Variants in TANGO6 observed in about 807,000 individuals in gnomAD.
TANGO6 encodes the protein transport and Golgi organization protein 6 homolog.
Under a neutral mutation model 114.2 loss-of-function variants are expected in TANGO6, and 90 were observed. The ratio of observed to expected loss-of-function variants is 0.79; its 90% confidence interval spans 0.66 to 0.94. The LOEUF is 0.94. Among genes scored for constraint, TANGO6 ranks in the 40% least tolerant of loss-of-function variants. The pLI is 0.00. For synonymous variants in TANGO6, 477 were observed against 509.8 expected, an observed-to-expected ratio of 0.94 and a Z score of 0.87; for missense variants, 1,274 against 1,315.3, an observed-to-expected ratio of 0.97 and a Z score of 0.49.
At chr16:68,890,142 G>A (rs1962590572) in intron 7 of TANGO6, among the ~76,000 whole-genome samples, 1 of 152,152 alleles carries the variant, frequency 6.6e-6, no homozygotes, top group African/African-American at 2.4e-5. Context: ...CTGAATTTCA[G>A]TGTTAGGATT....
rs1012505678 is a variant in TANGO6, at chr16:68,993,676, A to C, written c.2842+19508A>C. ...TTTGTCAATATTACGAGGCTAACCA[A>C]CTCTTGGTCATGCTTTAATGAGTTT... On this transcript the variant is annotated intron_variant, in intron 15 of 17. Transcript: ENST00000261778. Among the ~76,000 whole-genome samples the C allele has an allele frequency of 3.9e-5, 6 of 152,162 alleles. No individual in the cohort carries two copies. The East Asian group carries it at 1.2e-3, about 29-fold the overall frequency.
intron 8 of TANGO6, among the ~76,000 whole-genome samples, chr16:68,902,019 A>G (rs1445850314): frequency 6.7e-6 from 1 of 150,374 alleles, no homozygotes; most frequent in Non-Finnish European, 1.5e-5. Flanking sequence ...ACAGTGCCTG[A>G]TGCAAAGGCA....
intron 14 of TANGO6, among the ~76,000 whole-genome samples, chr16:68,943,099 C>T (rs1963371717): frequency 6.6e-6 from 1 of 151,210 alleles, no homozygotes; most frequent in Non-Finnish European, 1.5e-5. Flanking sequence ...CAGGATTGTG[C>T]CATGTTGCCC....
rs1424861016 is a variant in TANGO6, at chr16:69,028,870, A to AG, written c.2994+5891_2994+5892insG. On this transcript the variant is annotated intron_variant, in intron 16 of 17. Transcript: ENST00000261778. ...GCCCAGTTTAACAAAAAAAAAAAAA[A>AG]AAAAGAAAAAGAAAAACTACATAGC... 5.3e-3 allele frequency among the ~76,000 whole-genome samples: 805 copies of AG among 151,158 alleles called. 3 individuals carry two copies. The highest frequency in any genetic ancestry group is 7.2e-3 in the Non-Finnish European group (487 of 67,792).
At chr16:69,003,010 C>T (rs1964057699) in intron 15 of TANGO6, among the ~76,000 whole-genome samples, 1 of 151,914 alleles carries the variant, frequency 6.6e-6, no homozygotes, top group South Asian at 2.1e-4. Flanking sequence ...CCACTACACT[C>T]CAGCCTGGGT....
At chr16:68,951,361 A>G (rs1043224362) in intron 14 of TANGO6, among the ~76,000 whole-genome samples, 3 of 151,856 alleles carry the variant, frequency 2.0e-5, no homozygotes. Flanking sequence ...AATATAAAGT[A>G]TAACAGAAGG....
intron 17 of TANGO6, among the ~76,000 whole-genome samples, chr16:69,053,990 C>T (rs983272702): frequency 2.0e-5 from 3 of 152,000 alleles, no homozygotes; most frequent in African/African-American, 4.8e-5. Context: ...GCTAGAACCC[C>T]GGGGATGGAG....
At chr16:69,033,147 C>T (rs1322956800) in intron 16 of TANGO6, among the ~76,000 whole-genome samples, 1 of 152,160 alleles carries the variant, frequency 6.6e-6, no homozygotes, top group East Asian at 1.9e-4. Flanking sequence ...GATCACACCA[C>T]TGTACTCCAG....
At chr16:68,920,793 C>T (rs1427288148) in intron 12 of TANGO6, among the ~76,000 whole-genome samples, 1 of 151,896 alleles carries the variant, frequency 6.6e-6, no homozygotes, top group Non-Finnish European at 1.5e-5. Context: ...ATATATTTTC[C>T]ATATTGTTTT....
chr16:68,931,442 C>G (rs1249630546), intron 14 of TANGO6, among the ~76,000 whole-genome samples: 4 of 152,186 alleles, frequency 2.6e-5, no homozygotes, highest in African/African-American at 9.7e-5. Context: ...TGCACAAAAC[C>G]TTGTGTGTGA....
At chr16:69,006,173 G>A (rs902335534) in intron 15 of TANGO6, among the ~76,000 whole-genome samples, 3 of 152,100 alleles carry the variant, frequency 2.0e-5, no homozygotes, top group African/African-American at 7.2e-5. Flanking sequence ...AGTTCCTGTA[G>A]TGGGCAGATC....
chr16:69,006,811 A>G (rs1964095697), intron 15 of TANGO6, among the ~76,000 whole-genome samples: 1 of 152,222 alleles, frequency 6.6e-6, no homozygotes, highest in Non-Finnish European at 1.5e-5. Flanking sequence ...CATATAATTC[A>G]ACCATTTACA....
intron 16 of TANGO6, among the ~76,000 whole-genome samples, chr16:69,039,265 T>C (rs1188294349): frequency 4.0e-5 from 6 of 150,646 alleles, no homozygotes; most frequent in Non-Finnish European, 8.9e-5. Flanking sequence ...GAGGCAGAGG[T>C]TGCAGTGAGC....
At chr16:68,846,584 C>G (rs1287387729) in intron 1 of TANGO6, 1 of 234,566 alleles carries the variant, frequency 4.3e-6, no homozygotes, top group African/African-American at 2.4e-5. Context: ...CAACCTCCGC[C>G]TCCCAGGTTC....
At chr16:68,899,319 G>A (rs779975315) in intron 7 of TANGO6, among the ~76,000 whole-genome samples, 35 of 151,996 alleles carry the variant, frequency 2.3e-4, no homozygotes, top group Non-Finnish European at 4.7e-4. Context: ...TATATCACAA[G>A]CAATATGAAG....
intron 15 of TANGO6, among the ~76,000 whole-genome samples, chr16:69,007,684 T>C (rs960714741): frequency 6.6e-6 from 1 of 152,206 alleles, no homozygotes; most frequent in African/African-American, 2.4e-5. Flanking sequence ...GTGTTTTCAG[T>C]TCTCTCGAGT....
At chr16:68,913,209 GCATGCACCAC>G (rs1417987773) in intron 11 of TANGO6, among the ~76,000 whole-genome samples, 2 of 151,720 alleles carry the variant, frequency 1.3e-5, no homozygotes, top group South Asian at 2.1e-4. Context: ...GGGACTACAG[GCATGCACCAC>G]CATGCCCAGC....
At chr16:68,846,428 T>TA (rs1961805420) in intron 1 of TANGO6, 1 of 280,178 alleles carries the variant, frequency 3.6e-6, no homozygotes, top group Admixed American at 5.0e-5. Flanking sequence ...CTCACATAGA[T>TA]ATGTAACTGG....
At chr16:68,917,033 C>T (rs1201286476) in intron 11 of TANGO6, among the ~76,000 whole-genome samples, 1 of 152,106 alleles carries the variant, frequency 6.6e-6, no homozygotes. Context: ...ATAGTTTCAC[C>T]ACCCTAAAAA....
Sources: gnomAD v4.1 joint callset for allele counts (sites outside exome capture counted in the v4.1 genomes callset) on GRCh38, gnomAD v4.1.1 for gene constraint, MANE v1.5 for transcripts, NCBI Gene and HGNC (gene_info 2026-07-23, HGNC 2026-07-21) for gene names.